Variants in CDC16 observed in about 807,000 individuals in gnomAD.
The protein encoded by CDC16 is cell division cycle protein 16 homolog.
In CDC16, 34 loss-of-function variants were observed where a neutral mutation model predicts 87.0. The ratio of observed to expected loss-of-function variants is 0.39; its 90% CI spans 0.30 to 0.52. The LOEUF is 0.52. Among genes scored for constraint, CDC16 ranks in the 20% least tolerant of loss-of-function variants. CDC16 has a pLI of 0.74. For missense variants in CDC16, 653 were observed against 751.9 expected, an observed-to-expected ratio of 0.87 and a Z score of 1.54; for synonymous variants, 263 against 260.6, an observed-to-expected ratio of 1.01 and a Z score of -0.09.
At chr13:114,251,135 A>G (rs2082149985) in intron 12 of CDC16, among the ~76,000 whole-genome samples, 1 of 152,192 alleles carries the variant, frequency 6.6e-6, no homozygotes, top group Non-Finnish European at 1.5e-5. Flanking sequence ...TGCTGTTCAC[A>G]TTGACTGTTT....
At chr13:114,263,619 T>C (rs2082990137) in intron 16 of CDC16, among the ~76,000 whole-genome samples, 1 of 152,218 alleles carries the variant, frequency 6.6e-6, no homozygotes, top group South Asian at 2.1e-4. Flanking sequence ...AATAAATGGT[T>C]ACAATATTCA....
At chr13:114,242,399 C>A in intron 6 of CDC16, 119 bp downstream of exon 6, 1 of 866,778 alleles carries the variant, frequency 1.2e-6, no homozygotes, top group East Asian at 2.5e-5. Flanking sequence ...TAGACCTACT[C>A]ACTTTCTTAA....
intron 2 of CDC16, 36 bp from the exon 3 acceptor site, chr13:114,236,761 TTG>T (rs775768899): frequency 6.2e-7 from 1 of 1,612,684 alleles, no homozygotes; most frequent in Admixed American, 1.7e-5. Context: ...CTATTTCACC[TTG>T]TACCTCTGAC....
At chr13:114,239,538 C>G in intron 5 of CDC16, 48 bp downstream of exon 5, 1 of 1,458,858 alleles carries the variant, frequency 6.9e-7, no homozygotes, top group Non-Finnish European at 9.2e-7. Context: ...GAGAATTGCC[C>G]TCATTACGTG....
At chr13:114,253,133 A>G (rs1480081679) in intron 12 of CDC16, among the ~76,000 whole-genome samples, 1 of 152,002 alleles carries the variant, frequency 6.6e-6, no homozygotes, top group Non-Finnish European at 1.5e-5. Flanking sequence ...GATAAGCATT[A>G]TTTTTCTTTC....
chr13:114,240,623 G>A (rs184071584), intron 5 of CDC16, among the ~76,000 whole-genome samples: 4 of 152,272 alleles, frequency 2.6e-5, no homozygotes, highest in African/African-American at 4.8e-5. Context: ...TTCCCAAAGT[G>A]TTGGGATTAC....
intron 16 of CDC16, among the ~76,000 whole-genome samples, chr13:114,264,635 A>G (rs901494905): frequency 1.3e-5 from 2 of 150,700 alleles, no homozygotes; most frequent in South Asian, 2.2e-4. Flanking sequence ...CTTTTGAGAT[A>G]GTATTTTGCT....
rs1240176679 is a variant in CDC16 at position 114,236,713 on chromosome 13, T to C, written c.103+14T>C. The C allele has an allele frequency of 6.2e-7, 1 of 1,613,632 alleles. No homozygotes were observed. The highest frequency in any genetic ancestry group is 8.5e-7 in the Non-Finnish European group (1 of 1,179,958). ...CACTCTCTCGTGGTAAGTGACAAAATGCTAACTGGTTTTCTGATTAATCTT... is the reference window on the plus strand; with the variant it reads ...CACTCTCTCGTGGTAAGTGACAAAACGCTAACTGGTTTTCTGATTAATCTT... On this transcript the variant is annotated intron_variant, in intron 2 of 17. Coordinates refer to ENST00000356221, the MANE Select transcript of CDC16 (RefSeq NM_001078645.3).
intron 5 of CDC16, among the ~76,000 whole-genome samples, chr13:114,240,411 A>G (rs568564708): frequency 7.9e-5 from 12 of 152,162 alleles, no homozygotes; most frequent in South Asian, 2.1e-4. Flanking sequence ...GGGTTTCACC[A>G]TGTTAGCCAG....
chr13:114,249,246 C>A (rs962425784), intron 11 of CDC16, among the ~76,000 whole-genome samples: 2 of 151,706 alleles, frequency 1.3e-5, no homozygotes, highest in East Asian at 3.9e-4. Flanking sequence ...TGCGCACTTA[C>A]GAGAACCTAA....
rs2083755247 is a variant in CDC16 at position 114,272,522 on chromosome 13, C to T, written c.*79C>T. 7.7e-7 allele frequency: 1 copy of T among 1,295,038 alleles called. No individual in the cohort carries two copies. The highest frequency in any genetic ancestry group is 1.1e-6 in the Non-Finnish European group (1 of 929,260). 80.2% of individuals were successfully genotyped at this position (1,295,038 alleles called of 1,614,324 possible). A position where few individuals can be genotyped will look rare whatever the true frequency, so the allele number is the denominator to read the frequency against. ...CATCCTCTCCATGGCTTAAGAATGT[C>T]CCACTTCCTAACGTGACTCCAAACT... On this transcript the variant is annotated 3_prime_UTR_variant, in exon 18 of 18. Coordinates refer to ENST00000356221, the MANE Select transcript of CDC16 (RefSeq NM_001078645.3).
chr13:114,256,415 A>G (rs1036820584), intron 12 of CDC16, among the ~76,000 whole-genome samples: 7 of 152,228 alleles, frequency 4.6e-5, no homozygotes, highest in African/African-American at 1.4e-4. Flanking sequence ...ACACCAAGCA[A>G]TCAGTATTTA....
chr13:114,255,591 TAA>T (rs111984756), intron 12 of CDC16, among the ~76,000 whole-genome samples: 1 of 144,118 alleles, frequency 6.9e-6, no homozygotes. Flanking sequence ...ATTCCAAAAT[TAA>T]AAAAAAAAAA....
At position 114,234,993 on chromosome 13, in the gene CDC16, A is replaced by AGGCACG. The variant is rs530325430; in HGVS notation, c.-77_-72dup. 9,094 of 872,424 alleles carry AGGCACG rather than the reference A, an allele frequency of 0.01. 585 individuals are homozygous for AGGCACG. The African/African-American group carries it at 0.17, about 17-fold the overall frequency. 54.0% of individuals were successfully genotyped at this position (872,424 alleles called of 1,614,324 possible). A position where few individuals can be genotyped will look rare whatever the true frequency, so the allele number is the denominator to read the frequency against. On this transcript the variant is annotated 5_prime_UTR_variant, in exon 1 of 18. Transcript: ENST00000356221. ...GTCCTGGGGCGGCGGCGGCGGCTGC[A>AGGCACG]GGCACGGGCACGGGCACGGGGCGGG...
At chr13:114,249,109 C>A (rs2082022878) in intron 11 of CDC16, among the ~76,000 whole-genome samples, 1 of 151,744 alleles carries the variant, frequency 6.6e-6, no homozygotes, top group African/African-American at 2.4e-5. Flanking sequence ...GAGCCCTGAG[C>A]TTGTTTTCCT....
intron 7 of CDC16, 92 bp downstream of exon 7, chr13:114,243,440 A>G (rs1451541636): frequency 1.5e-6 from 1 of 664,888 alleles, no homozygotes; most frequent in African/African-American, 1.8e-5. Flanking sequence ...TTTCAAAATT[A>G]AAACTTTTTA....
intron 1 of CDC16, among the ~76,000 whole-genome samples, chr13:114,236,061 G>A (rs948707724): frequency 1.3e-5 from 2 of 152,244 alleles, no homozygotes; most frequent in African/African-American, 4.8e-5. Context: ...GAGCAGAACA[G>A]GGTCTAAAGC....
chr13:114,238,813 C>T (rs2081391662), intron 3 of CDC16, among the ~76,000 whole-genome samples, 177 bp from the exon 4 acceptor site: 1 of 152,114 alleles, frequency 6.6e-6, no homozygotes, highest in African/African-American at 2.4e-5. Flanking sequence ...ATCCTTGGTG[C>T]CTAGTAAACA....
At position 114,237,478 on chromosome 13, in the gene CDC16, G is replaced by A. The variant is rs993107851; in HGVS notation, c.201+582G>A. Among the ~76,000 whole-genome samples, 3 of 152,016 alleles carry A rather than the reference G, an allele frequency of 2.0e-5. No homozygotes were observed. In the South Asian group the frequency reaches 6.2e-4, roughly 32 times the overall value. On this transcript the variant is annotated intron_variant, in intron 3 of 17. Coordinates refer to ENST00000356221, the MANE Select transcript of CDC16 (RefSeq NM_001078645.3). ...CTAATTTTTAAATTTTTTTGGTAGA[G>A]ACAGAGCCTCACTATGTTGCCCAGG... is the stretch of plus-strand genomic sequence containing the variant.
Sources: allele counts gnomAD v4.1 joint callset (sites outside exome capture counted in the v4.1 genomes callset), GRCh38; gene constraint gnomAD v4.1.1; transcripts MANE v1.5; gene names NCBI Gene and HGNC (gene_info 2026-07-23, HGNC 2026-07-21).